The following SOBP variants were observed in gnomAD, a reference collection of about 807,000 sequenced individuals.
SOBP encodes sine oculis-binding protein homolog.
SOBP carries 4 observed loss-of-function variants against 53.6 expected under a neutral mutation model. The observed-to-expected ratio is 0.07, with a 90% CI of 0.04 to 0.17. SOBP has a LOEUF of 0.17. Among genes scored for constraint, SOBP ranks in the 10% least tolerant of loss-of-function variants. The probability of loss-of-function intolerance (pLI) is 1.00; values close to 1 mark genes in which losing one functional copy is unlikely to be tolerated. For missense variants in SOBP, 1,088 were observed against 1,204.7 expected (o/e 0.90, Z 1.43); for synonymous variants, 584 against 522.6 (o/e 1.12, Z -1.60).
chr6:107,508,657 T>A (rs1368380426), intron 3 of SOBP, among the ~76,000 whole-genome samples: 1 of 152,226 alleles, frequency 6.6e-6, no homozygotes, highest in Non-Finnish European at 1.5e-5. Context: ...CAAAATCACT[T>A]GTAATTGTGT....
intron 5 of SOBP, among the ~76,000 whole-genome samples, chr6:107,602,824 G>T (rs1013938431): frequency 1.3e-5 from 2 of 152,130 alleles, no homozygotes; most frequent in Non-Finnish European, 2.9e-5. Flanking sequence ...ATAAGCTTTT[G>T]ATGTCTGCAC....
chr6:107,511,805 T>G (rs777655479), intron 3 of SOBP: 4 of 152,214 alleles, frequency 2.6e-5, no homozygotes, highest in African/African-American at 7.2e-5. Flanking sequence ...GCCACACATG[T>G]GTGCATTCAT....
At chr6:107,570,238 T>A (rs1785035922) in intron 4 of SOBP, among the ~76,000 whole-genome samples, 1 of 152,226 alleles carries the variant, frequency 6.6e-6, no homozygotes, top group South Asian at 2.1e-4. Context: ...TGTGGGTAAA[T>A]CTTCCGGTGG....
At chr6:107,585,737 T>A (rs1391629116) in intron 4 of SOBP, among the ~76,000 whole-genome samples, 1 of 152,184 alleles carries the variant, frequency 6.6e-6, no homozygotes, top group Non-Finnish European at 1.5e-5. Context: ...ACTTCCAAGT[T>A]CCATCTAGTT....
At chr6:107,620,487 G>A (rs2115118195) in intron 5 of SOBP, among the ~76,000 whole-genome samples, 1 of 152,308 alleles carries the variant, frequency 6.6e-6, no homozygotes, top group Non-Finnish European at 1.5e-5. Context: ...AACATCTTCA[G>A]GTGTCTTTGG....
At chr6:107,532,272 C>CACACCACA in intron 3 of SOBP, among the ~76,000 whole-genome samples, 1 of 108,140 alleles carries the variant, frequency 9.2e-6, no homozygotes, top group African/African-American at 2.9e-5. Context: ...CACACACACA[C>CACACCACA]CACACACACA....
intron 1 of SOBP, among the ~76,000 whole-genome samples, chr6:107,492,585 A>G (rs1782606547): frequency 6.6e-6 from 1 of 152,234 alleles, no homozygotes; most frequent in Admixed American, 6.5e-5. Flanking sequence ...CTTCTGCAGT[A>G]TAACAGATGT....
intron 5 of SOBP, among the ~76,000 whole-genome samples, chr6:107,603,852 G>T (rs186408186): frequency 6.6e-6 from 1 of 152,180 alleles, no homozygotes; most frequent in Non-Finnish European, 1.5e-5. Context: ...TTCAGAAAAC[G>T]AAGGGGAAGG....
chr6:107,548,709 G>A (rs1396354496), intron 4 of SOBP, among the ~76,000 whole-genome samples: 1 of 152,052 alleles, frequency 6.6e-6, no homozygotes, highest in Non-Finnish European at 1.5e-5. Context: ...GGCTGAGGTG[G>A]GAGGATCACT....
At chr6:107,597,122 C>T (rs1348760113) in intron 5 of SOBP, among the ~76,000 whole-genome samples, 1 of 152,114 alleles carries the variant, frequency 6.6e-6, no homozygotes, top group Admixed American at 6.5e-5. Context: ...GGAAAAGAAA[C>T]ACGTGAACAT....
At chr6:107,579,215 G>A (rs117209045) in intron 4 of SOBP, among the ~76,000 whole-genome samples, 129 of 152,242 alleles carry the variant, frequency 8.5e-4, no homozygotes, top group South Asian at 1.5e-3. Context: ...ATCCAGTGTC[G>A]ATTAAGCTTC....
intron 1 of SOBP, among the ~76,000 whole-genome samples, chr6:107,497,897 A>G (rs1339321751): frequency 6.6e-6 from 1 of 152,214 alleles, no homozygotes; most frequent in Non-Finnish European, 1.5e-5. Flanking sequence ...GGTATGTACA[A>G]TTTTAAGGCT....
At chr6:107,621,537 A>G (rs1483971731) in intron 5 of SOBP, among the ~76,000 whole-genome samples, 1 of 152,240 alleles carries the variant, frequency 6.6e-6, no homozygotes, top group Non-Finnish European at 1.5e-5. Flanking sequence ...GGAAATTGCC[A>G]CTAAGCAGTC....
At chr6:107,523,797 G>A (rs1396429784) in intron 3 of SOBP, among the ~76,000 whole-genome samples, 2 of 152,230 alleles carry the variant, frequency 1.3e-5, no homozygotes, top group African/African-American at 2.4e-5. Flanking sequence ...TGGTGATGGA[G>A]CCCTGGGAGC....
chr6:107,510,620 A>G (rs1238036899), intron 3 of SOBP: 2 of 152,250 alleles, frequency 1.3e-5, no homozygotes, highest in Non-Finnish European at 2.9e-5. Flanking sequence ...ATCCATGGCT[A>G]AAGTCAACAA....
rs946897081 is a variant in SOBP, at chr6:107,635,370, G to T, written c.2526G>T (p.Pro842=). 6.2e-7 allele frequency: 1 copy of T among 1,613,522 alleles called. No individual in the cohort carries two copies. The highest frequency in any genetic ancestry group is 1.7e-5 in the Admixed American group (1 of 60,026). ...CCGCGGAGAAGGCTGCCATGGCACC[G>T]TGCATCATCTCCTCGCCCATGCTCA... The part of the protein sequence containing the change: ...PKPAEKAAMA[P]CIISSPMLSA... The change falls in exon 6 of 7, where the codon CCG becomes CCT. Residue 842 remains proline (P), a synonymous_variant. Coordinates refer to ENST00000317357, the MANE Select transcript of SOBP (RefSeq NM_018013.4). This position sits in a 1 kb window ranked among gnomAD's most constrained non-coding sequence, Gnocchi z 4.5.
At chr6:107,542,756 T>A (rs557954540) in intron 4 of SOBP, among the ~76,000 whole-genome samples, 3 of 152,062 alleles carry the variant, frequency 2.0e-5, no homozygotes, top group African/African-American at 7.3e-5. Flanking sequence ...TTTGTTTTTT[T>A]GTGTGTTTTG....
intron 4 of SOBP, among the ~76,000 whole-genome samples, chr6:107,539,545 A>G (rs1784095204): frequency 6.6e-6 from 1 of 152,170 alleles, no homozygotes; most frequent in South Asian, 2.1e-4. Flanking sequence ...GCCGGTAATT[A>G]TCCAATCCAT....
In SOBP at chr6:107,635,307, G is replaced by T. The variant is rs200856341; in HGVS notation, c.2463G>T (p.Leu821=). ...DEDHAYALRM[L]PKTGCVIQPV... is the part of the protein sequence containing the mutation. ...ACCATGCCTATGCTCTGCGGATGCT[G>T]CCCAAGACCGGCTGCGTGATCCAGC... Residue 821 remains leucine, a synonymous_variant, in exon 6 of 7, where the codon CTG becomes CTT. Coordinates refer to ENST00000317357, the MANE Select transcript of SOBP (RefSeq NM_018013.4). This position sits in a 1 kb window ranked among gnomAD's most constrained non-coding sequence, Gnocchi z 4.5. 6.2e-7 allele frequency: 1 copy of T among 1,613,718 alleles called. No individual in the cohort carries two copies. The highest frequency in any genetic ancestry group is 1.3e-5 in the African/African-American group (1 of 74,928).
Sources: gnomAD v4.1 joint callset for allele counts (sites outside exome capture counted in the v4.1 genomes callset) on GRCh38, gnomAD v4.1.1 for gene constraint, Gnocchi (gnomAD v3.1) non-coding constraint, MANE v1.5 for transcripts, NCBI Gene and HGNC (gene_info 2026-07-23, HGNC 2026-07-21) for gene names.